CAMKMT: variants seen among roughly 807,000 people sequenced by gnomAD.
CAMKMT encodes calmodulin-lysine N-methyltransferase.
Under a neutral mutation model 48.0 loss-of-function variants are expected in CAMKMT, and 53 were observed. The ratio of observed to expected loss-of-function variants is 1.10; its 90% CI spans 0.89 to 1.39. The LOEUF (loss-of-function observed/expected upper bound fraction) is 1.39. Ranked by LOEUF, CAMKMT falls within the 40% of genes most tolerant of loss-of-function variation. The pLI, the probability that CAMKMT is intolerant of heterozygous loss-of-function variation, is 0.00. For missense variants in CAMKMT, 428 were observed against 402.7 expected (o/e 1.06, Z -0.54); for synonymous variants, 165 against 152.3 (o/e 1.08, Z -0.61).
intron 9 of CAMKMT, 97 bp downstream of exon 9, chr2:44,754,215 T>C: frequency 1.1e-6 from 1 of 924,212 alleles, no homozygotes; most frequent in Non-Finnish European, 1.7e-6. Context: ...ATTAATGTCA[T>C]GTAATACTTT....
intron 9 of CAMKMT, among the ~76,000 whole-genome samples, chr2:44,755,001 A>C (rs1197207357): frequency 6.6e-6 from 1 of 152,190 alleles, no homozygotes; most frequent in Non-Finnish European, 1.5e-5. Context: ...TTTTTTTAAA[A>C]AGGTCCACTC....
chr2:44,658,459 T>C (rs1047036428), intron 3 of CAMKMT, among the ~76,000 whole-genome samples: 4 of 152,182 alleles, frequency 2.6e-5, no homozygotes, highest in Admixed American at 6.5e-5. Context: ...GAGCTGACTC[T>C]GCACAGTTGC....
intron 3 of CAMKMT, among the ~76,000 whole-genome samples, chr2:44,598,086 T>C (rs1158926556): frequency 1.3e-5 from 2 of 152,094 alleles, no homozygotes; most frequent in Non-Finnish European, 2.9e-5. Flanking sequence ...GTAGCTCTAA[T>C]AATGATTATA....
At chr2:44,594,501 A>G (rs1389405755) in intron 3 of CAMKMT, among the ~76,000 whole-genome samples, 1 of 152,168 alleles carries the variant, frequency 6.6e-6, no homozygotes, top group East Asian at 1.9e-4. Flanking sequence ...CCTCAGAAAT[A>G]ACACCACACA....
chr2:44,432,828 A>T (rs74848173), intron 3 of CAMKMT, among the ~76,000 whole-genome samples: 1 of 8,508 alleles, frequency 1.2e-4, no homozygotes, highest in African/African-American at 1.4e-3. Flanking sequence ...ATGTAAATTA[A>T]AAAAAAAAAA....
At chr2:44,597,227 A>C (rs1256363668) in intron 3 of CAMKMT, among the ~76,000 whole-genome samples, 1 of 152,218 alleles carries the variant, frequency 6.6e-6, no homozygotes, top group Non-Finnish European at 1.5e-5. Context: ...TACAGGTCCA[A>C]CTTCCACATA....
intron 3 of CAMKMT, among the ~76,000 whole-genome samples, chr2:44,628,067 A>C (rs1244963758): frequency 1.3e-5 from 2 of 151,946 alleles, no homozygotes; most frequent in African/African-American, 4.8e-5. Flanking sequence ...CAGTCCCAAC[A>C]GTGCAAGTAG....
intron 3 of CAMKMT, among the ~76,000 whole-genome samples, chr2:44,693,893 C>T (rs553159361): frequency 1.3e-5 from 2 of 152,284 alleles, no homozygotes; most frequent in African/African-American, 2.4e-5. Flanking sequence ...TTGAGAGAGG[C>T]CTTTTTTTAC....
chr2:44,728,287 T>C (rs1379723772), intron 7 of CAMKMT, among the ~76,000 whole-genome samples: 1 of 152,180 alleles, frequency 6.6e-6, no homozygotes, highest in Non-Finnish European at 1.5e-5. Context: ...TCATGGGGTA[T>C]TAATTTTTTG....
rs1269920941 is a variant in CAMKMT at position 44,588,725 on chromosome 2, C to T, written c.377-115558C>T. ...GGGATCAGCCCCCCGCCTGGCCAGC[C>T]GCCCCGTCCGGGAGGTGAGGGGCGC... On this transcript the variant is annotated intron_variant, in intron 3 of 10. Transcript: ENST00000378494. Among the ~76,000 whole-genome samples the T allele has an allele frequency of 4.3e-4, 18 of 41,848 alleles. 1 individual carries two copies. The highest frequency in any genetic ancestry group is 9.3e-4 in the South Asian group (1 of 1,074). 27.5% of individuals were successfully genotyped at this position (41,848 alleles called of 152,430 possible).
intron 3 of CAMKMT, among the ~76,000 whole-genome samples, chr2:44,663,942 C>G (rs1479956028): frequency 6.6e-6 from 1 of 151,472 alleles, no homozygotes. Context: ...GGTAATAAGT[C>G]TAAGGAGAAA....
intron 3 of CAMKMT, among the ~76,000 whole-genome samples, chr2:44,659,421 A>G (rs990142606): frequency 1.9e-4 from 29 of 151,850 alleles, no homozygotes; most frequent in African/African-American, 6.8e-4. Flanking sequence ...AACAAGACCC[A>G]GTTTCAAGAA....
chr2:44,528,313 T>G (rs1451808442), intron 3 of CAMKMT, among the ~76,000 whole-genome samples: 1 of 152,084 alleles, frequency 6.6e-6, no homozygotes, highest in Non-Finnish European at 1.5e-5. Context: ...TTATGAAAAA[T>G]AAGTTATTTA....
intron 3 of CAMKMT, among the ~76,000 whole-genome samples, chr2:44,538,073 A>G (rs1348886096): frequency 6.6e-6 from 1 of 152,202 alleles, no homozygotes; most frequent in Non-Finnish European, 1.5e-5. Flanking sequence ...ATCAATGAGC[A>G]GATAAAGAAA....
At chr2:44,544,774 A>G (rs1020089518) in intron 3 of CAMKMT, among the ~76,000 whole-genome samples, 8 of 152,220 alleles carry the variant, frequency 5.3e-5, no homozygotes, top group Admixed American at 2.0e-4. Context: ...TGGGCAGGCT[A>G]TAAGATTCTA....
At chr2:44,721,156 A>G (rs2104318011) in intron 7 of CAMKMT, among the ~76,000 whole-genome samples, 1 of 152,228 alleles carries the variant, frequency 6.6e-6, no homozygotes, top group Admixed American at 6.5e-5. Flanking sequence ...GTATAATTTT[A>G]TTGGATAAAA....
intron 3 of CAMKMT, among the ~76,000 whole-genome samples, chr2:44,535,141 A>C (rs192498545): frequency 6.6e-6 from 1 of 152,260 alleles, no homozygotes; most frequent in African/African-American, 2.4e-5. Flanking sequence ...AAACTTTAAA[A>C]CCTTAAGGAA....
chr2:44,716,902 C>T (rs767894867), intron 7 of CAMKMT, among the ~76,000 whole-genome samples: 1 of 152,096 alleles, frequency 6.6e-6, no homozygotes, highest in African/African-American at 2.4e-5. Flanking sequence ...TGTGTTTTTA[C>T]AAGACATAAT....
intron 3 of CAMKMT, among the ~76,000 whole-genome samples, chr2:44,561,279 G>A (rs918908013): frequency 6.6e-6 from 1 of 152,148 alleles, no homozygotes; most frequent in African/African-American, 2.4e-5. Context: ...TTTGTATCTA[G>A]ACTTAGAAAT....
Sources: allele counts gnomAD v4.1 joint callset (sites outside exome capture counted in the v4.1 genomes callset), GRCh38; gene constraint gnomAD v4.1.1; transcripts MANE v1.5; gene names NCBI Gene and HGNC (gene_info 2026-07-23, HGNC 2026-07-21).